THSD4: variants seen among roughly 807,000 people sequenced by gnomAD.
The protein encoded by THSD4 is thrombospondin type 1 domain containing 4.
A neutral mutation model predicts 119.0 loss-of-function variants in THSD4; 69 were observed. The observed-to-expected ratio is 0.58, with a 90% CI of 0.48 to 0.71. The LOEUF (loss-of-function observed/expected upper bound fraction) is 0.71. Among genes scored for constraint, THSD4 ranks in the 30% least tolerant of loss-of-function variants. The pLI is 0.00. For missense variants in THSD4, 1,393 were observed against 1,391.1 expected (o/e 1.00, Z -0.02); for synonymous variants, 524 against 540.4 (o/e 0.97, Z 0.42).
chr15:71,586,552 A>G (rs1281461948), intron 7 of THSD4, among the ~76,000 whole-genome samples: 1 of 152,168 alleles, frequency 6.6e-6, no homozygotes, highest in Non-Finnish European at 1.5e-5. Flanking sequence ...TCCTTGTCAC[A>G]TAGCTCCCTT....
chr15:71,184,977 G>A (rs1455516127), intron 3 of THSD4, among the ~76,000 whole-genome samples: 4 of 151,578 alleles, frequency 2.6e-5, no homozygotes, highest in Non-Finnish European at 4.4e-5. Flanking sequence ...CCTGCCTTTA[G>A]GCTGACCTTG....
intron 8 of THSD4, among the ~76,000 whole-genome samples, chr15:71,718,673 C>A (rs1396622353): frequency 6.6e-6 from 1 of 152,148 alleles, no homozygotes; most frequent in East Asian, 1.9e-4. Flanking sequence ...TATGCACGCT[C>A]CCAGCGCCCC....
chr15:71,770,241 T>C (rs1595935021), intron 16 of THSD4, among the ~76,000 whole-genome samples: 1 of 42,550 alleles, frequency 2.4e-5, no homozygotes, highest in Non-Finnish European at 3.8e-5. Flanking sequence ...AGAGGGAAAC[T>C]CCATCAAAAA....
chr15:71,712,619 T>A (rs757883288), intron 8 of THSD4, among the ~76,000 whole-genome samples: 8 of 152,210 alleles, frequency 5.3e-5, no homozygotes, highest in Non-Finnish European at 7.3e-5. Context: ...ACAAAATACT[T>A]GTTCTTTGAA....
At chr15:71,759,621 C>T (rs529398496) in intron 15 of THSD4, among the ~76,000 whole-genome samples, 1 of 152,350 alleles carries the variant, frequency 6.6e-6, no homozygotes, top group African/African-American at 2.4e-5. Context: ...TCAGCAGCGA[C>T]TGTATATAGG....
At chr15:71,112,662 G>A (rs575495546), upstream of THSD4, among the ~76,000 whole-genome samples, 1 of 152,200 alleles carries the variant, frequency 6.6e-6, no homozygotes, top group African/African-American at 2.4e-5. Context: ...GCACAGGCTA[G>A]CCTTTGACTG....
chr15:71,110,911 G>C (rs1305768836), upstream of THSD4: 14 of 541,752 alleles, frequency 2.6e-5, no homozygotes, highest in Non-Finnish European at 4.3e-5. Flanking sequence ...CTGGGCGTAT[G>C]CCGTAGATCT....
chr15:71,545,696 T>C (rs150627766), intron 7 of THSD4, among the ~76,000 whole-genome samples: 1 of 152,312 alleles, frequency 6.6e-6, no homozygotes, highest in African/African-American at 2.4e-5. Flanking sequence ...AGCTGAACAG[T>C]AACAATGACT....
At chr15:71,375,928 C>T (rs1195750205) in intron 6 of THSD4, among the ~76,000 whole-genome samples, 1 of 152,148 alleles carries the variant, frequency 6.6e-6, no homozygotes, top group African/African-American at 2.4e-5. Context: ...AACAACTGAC[C>T]TAGCACTTTT....
chr15:71,317,930 G>T (rs547407462), intron 6 of THSD4, among the ~76,000 whole-genome samples: 1 of 152,304 alleles, frequency 6.6e-6, no homozygotes, highest in African/African-American at 2.4e-5. Context: ...CCTGGTATTT[G>T]GTCGGGGCTG....
intron 7 of THSD4, among the ~76,000 whole-genome samples, chr15:71,441,123 A>C (rs537726700): frequency 2.5e-4 from 38 of 152,268 alleles, no homozygotes; most frequent in Admixed American, 5.2e-4. Flanking sequence ...ATTAAATGAG[A>C]TGTTTCATGT....
At position 71,343,250 on chromosome 15, in the gene THSD4, T is replaced by C. The variant is rs146769841; in HGVS notation, c.1016-68437T>C. On this transcript the variant is annotated intron_variant, in intron 6 of 17. Transcript: ENST00000261862. Reference sequence around the variant, plus strand: ...TAGGTAGGTAGATAGATGGATATATTAGATATAAAGAGAGATAGATGGATA... The same window carrying C: ...TAGGTAGGTAGATAGATGGATATATCAGATATAAAGAGAGATAGATGGATA... Among the ~76,000 whole-genome samples, 400 of 152,180 alleles carry C rather than the reference T, an allele frequency of 2.6e-3. 1 individual carries two copies. Among genetic ancestry groups the C allele is most frequent in the African/African-American group, 9.3e-3 (387 of 41,512 alleles).
intron 6 of THSD4, among the ~76,000 whole-genome samples, chr15:71,346,437 A>G (rs533987298): frequency 6.6e-6 from 1 of 151,402 alleles, no homozygotes; most frequent in South Asian, 2.1e-4. Flanking sequence ...TGTTACCATT[A>G]TTATTTGCTT....
At chr15:71,195,912 C>T (rs536091212) in intron 3 of THSD4, among the ~76,000 whole-genome samples, 4 of 152,274 alleles carry the variant, frequency 2.6e-5, no homozygotes, top group East Asian at 3.9e-4. Flanking sequence ...GAAACTAAGG[C>T]TTATTCATGT....
chr15:71,479,863 A>G (rs1233842181), intron 7 of THSD4, among the ~76,000 whole-genome samples: 1 of 152,232 alleles, frequency 6.6e-6, no homozygotes, highest in Non-Finnish European at 1.5e-5. Flanking sequence ...AGTGATTGAG[A>G]AAGAAAAAAG....
intron 7 of THSD4, among the ~76,000 whole-genome samples, chr15:71,521,580 T>C (rs2048441848): frequency 6.6e-6 from 1 of 152,208 alleles, no homozygotes; most frequent in African/African-American, 2.4e-5. Context: ...CCAAGGCAAC[T>C]GAACTGCTGT....
chr15:71,287,496 T>C (rs2044732583), intron 6 of THSD4, among the ~76,000 whole-genome samples: 1 of 152,190 alleles, frequency 6.6e-6, no homozygotes, highest in Admixed American at 6.5e-5. Flanking sequence ...TAAATTTAGA[T>C]GTTTTATATC....
chr15:71,401,419 T>C (rs1296979009), intron 6 of THSD4, among the ~76,000 whole-genome samples: 4 of 152,340 alleles, frequency 2.6e-5, no homozygotes, highest in Middle Eastern at 3.4e-3. Flanking sequence ...ACGTTATGTG[T>C]GTACATGTTT....
intron 4 of THSD4, among the ~76,000 whole-genome samples, chr15:71,225,317 A>T (rs2044007007): frequency 1.3e-5 from 2 of 151,970 alleles, no homozygotes; most frequent in Non-Finnish European, 2.9e-5. Flanking sequence ...GCTCTTATGA[A>T]TGCTTTGATC....
Sources: gnomAD v4.1 joint callset for allele counts (sites outside exome capture counted in the v4.1 genomes callset) on GRCh38, gnomAD v4.1.1 for gene constraint, MANE v1.5 for transcripts, NCBI Gene and HGNC (gene_info 2026-07-23, HGNC 2026-07-21) for gene names.